NSD1: variants seen among roughly 807,000 people sequenced by gnomAD.
NSD1 encodes nuclear receptor binding SET domain protein 1.
A neutral mutation model predicts 242.7 loss-of-function variants in NSD1; 26 were observed. That is an observed-to-expected ratio of 0.11 (90% CI 0.08 to 0.15). The LOEUF (loss-of-function observed/expected upper bound fraction) is 0.15. NSD1 is among the 10% of genes least tolerant of loss of function. The pLI, the probability that NSD1 is intolerant of heterozygous loss-of-function variation, is 1.00. For missense variants in NSD1, 2,495 were observed against 3,272.8 expected, an observed-to-expected ratio of 0.76 and a Z score of 5.80; for synonymous variants, 1,106 against 1,178.1, an observed-to-expected ratio of 0.94 and a Z score of 1.25.
At chr5:177,214,250 T>G (rs573446332) in intron 5 of NSD1, among the ~76,000 whole-genome samples, 1 of 152,240 alleles carries the variant, frequency 6.6e-6, no homozygotes, top group South Asian at 2.1e-4. Context: ...GAGAATCACT[T>G]GAACCCGGGA....
At chr5:177,176,816 G>A (rs185298934) in intron 2 of NSD1, among the ~76,000 whole-genome samples, 1 of 152,252 alleles carries the variant, frequency 6.6e-6, no homozygotes, top group African/African-American at 2.4e-5. Flanking sequence ...TAGCTCGAGG[G>A]TGTAGTCCAG....
intron 2 of NSD1, among the ~76,000 whole-genome samples, chr5:177,139,719 C>A (rs1410097834): frequency 6.6e-6 from 1 of 152,128 alleles, no homozygotes; most frequent in Non-Finnish European, 1.5e-5. Flanking sequence ...AGTTGGGAAG[C>A]CGAGACAAAA....
intron 8 of NSD1, among the ~76,000 whole-genome samples, chr5:177,242,897 T>A (rs1162618817): frequency 6.6e-6 from 1 of 152,166 alleles, no homozygotes; most frequent in Non-Finnish European, 1.5e-5. Context: ...ATGAAGAATA[T>A]CATCATTCTT....
intron 2 of NSD1, among the ~76,000 whole-genome samples, chr5:177,161,241 G>A (rs1443026706): frequency 6.6e-6 from 1 of 152,104 alleles, no homozygotes; most frequent in Non-Finnish European, 1.5e-5. Flanking sequence ...AATTAGCTGG[G>A]TGGAGTGGCA....
intron 2 of NSD1, among the ~76,000 whole-genome samples, chr5:177,158,998 T>TTA (rs10564918): frequency 0.054 from 6,584 of 122,486 alleles, 227 homozygotes; most frequent in African/African-American, 0.1. Flanking sequence ...ATGAATGATT[T>TTA]TATATATATA....
At chr5:177,209,591 C>G in intron 4 of NSD1, 45 bp from the exon 5 acceptor site, 1 of 1,415,036 alleles carries the variant, frequency 7.1e-7, no homozygotes. Flanking sequence ...TTCCCCCACC[C>G]ATTTCTTTGA....
rs766609371 is a variant in NSD1, at chr5:177,295,481, C to T, written c.*22C>T. 2 of 1,612,060 alleles carry T rather than the reference C, an allele frequency of 1.2e-6. No individual in the cohort carries two copies. The highest frequency in any genetic ancestry group is 1.1e-5 in the South Asian group (1 of 90,968). On this transcript the variant is annotated 3_prime_UTR_variant, in exon 23 of 23. Transcript: ENST00000439151. This position sits in a 1 kb window ranked among gnomAD's most constrained non-coding sequence, Gnocchi z 4.3. The stretch of plus-strand genomic sequence containing the variant: ...GTAGTACCAATCAATGTCACATGAA[C>T]AAACAAGCTGCCCCCAGGGTACCAT...
At chr5:177,279,807 C>T (rs893988045) in intron 17 of NSD1, among the ~76,000 whole-genome samples, 19 of 150,004 alleles carry the variant, frequency 1.3e-4, no homozygotes, top group African/African-American at 4.4e-4. Context: ...TGAGTAGAGA[C>T]GGGGTTTCAC....
chr5:177,158,938 G>GTATATATACACACATA (rs1562131756), intron 2 of NSD1, among the ~76,000 whole-genome samples: 2 of 141,764 alleles, frequency 1.4e-5, no homozygotes, highest in Non-Finnish European at 3.0e-5. Flanking sequence ...GTGTGTGTGT[G>GTATATATACACACATA]TATATATACA....
At chr5:177,260,711 G>C (rs1756933304) in intron 14 of NSD1, among the ~76,000 whole-genome samples, 1 of 151,496 alleles carries the variant, frequency 6.6e-6, no homozygotes, top group African/African-American at 2.4e-5. Flanking sequence ...TTCTTATTTT[G>C]AATAATGACT....
At chr5:177,167,754 T>C (rs1351794493) in intron 2 of NSD1, among the ~76,000 whole-genome samples, 12 of 152,182 alleles carry the variant, frequency 7.9e-5, no homozygotes, top group Non-Finnish European at 1.6e-4. Context: ...ATGGTGGGCT[T>C]ATCTGGACGT....
chr5:177,282,610 G>A (rs1367040105), intron 19 of NSD1, 29 bp downstream of exon 19: 2 of 1,432,222 alleles, frequency 1.4e-6, no homozygotes, highest in East Asian at 2.3e-5. Context: ...TGTTTTCACT[G>A]TTACAAGATT....
At chr5:177,184,051 G>T (rs975543934) in intron 2 of NSD1, among the ~76,000 whole-genome samples, 1 of 152,106 alleles carries the variant, frequency 6.6e-6, no homozygotes, top group Admixed American at 6.6e-5. Flanking sequence ...GAACACTTAG[G>T]TTATTTCCAA....
chr5:177,188,783 C>G (rs1397639623), intron 2 of NSD1, among the ~76,000 whole-genome samples: 1 of 151,844 alleles, frequency 6.6e-6, no homozygotes, highest in African/African-American at 2.4e-5. Context: ...CCTGAGCCAC[C>G]ACGGCTCCTA....
intron 22 of NSD1, among the ~76,000 whole-genome samples, chr5:177,293,499 T>G (rs900130940): frequency 6.6e-6 from 1 of 151,922 alleles, no homozygotes; most frequent in African/African-American, 2.4e-5. Context: ...ATCTTAAGTT[T>G]CATGTAAAAG....
intron 20 of NSD1, among the ~76,000 whole-genome samples, chr5:177,285,258 G>A (rs1759212822): frequency 1.3e-5 from 2 of 152,062 alleles, no homozygotes; most frequent in Admixed American, 1.3e-4. Context: ...CAAATTGCAT[G>A]CTTTTTTAAG....
In NSD1 at chr5:177,239,787, A is replaced by G. The variant is rs771225244; in HGVS notation, c.4224A>G (p.Pro1408=). ...ATGAAAGTAAACGTCAAAGAAAACC[A>G]ACTAAGAAACTTCTTGAATCCAATG... The part of the protein sequence containing the change: ...GNYESKRQRK[P]TKKLLESNDL... Residue 1408 remains proline, a synonymous_variant, in exon 8 of 23, where the codon CCA becomes CCG. Coordinates refer to ENST00000439151, the MANE Select transcript of NSD1 (RefSeq NM_022455.5). 7 of 1,612,310 alleles carry G rather than the reference A, an allele frequency of 4.3e-6. No homozygotes were observed. Among genetic ancestry groups the G allele is most frequent in the Non-Finnish European group, 5.9e-6 (7 of 1,178,594 alleles).
In NSD1 at chr5:177,292,102, C is replaced by G; in HGVS notation, c.6407C>G (p.Pro2136Arg). ...DAGQLVSCKKPGCPKVYHADC... is the reference protein window; with the variant it reads ...DAGQLVSCKKRGCPKVYHADC... ...GGCCAGCTCGTCTCCTGCAAGAAAC[C>G]AGGCTGCCCAAAAGTTTACCACGCA... Residue 2136 changes from proline (P) to arginine (R), a missense_variant, in exon 22 of 23, where the codon CCA (proline) becomes CGA (arginine). Physicochemically the swap from Pro to Arg is moderately radical, Grantham distance 103. Coordinates refer to ENST00000439151, the MANE Select transcript of NSD1 (RefSeq NM_022455.5). 1 of 1,614,144 alleles carries G rather than the reference C, an allele frequency of 6.2e-7. No homozygotes were observed. Among genetic ancestry groups the G allele is most frequent in the Non-Finnish European group, 8.5e-7 (1 of 1,180,032 alleles).
chr5:177,163,536 C>T (rs571219239), intron 2 of NSD1, among the ~76,000 whole-genome samples: 18 of 152,196 alleles, frequency 1.2e-4, no homozygotes, highest in African/African-American at 4.1e-4. Context: ...ACTTGAGTCC[C>T]GTGCTTGCCT....
Sources: gnomAD v4.1 joint callset for allele counts (sites outside exome capture counted in the v4.1 genomes callset) on GRCh38, gnomAD v4.1.1 for gene constraint, Gnocchi (gnomAD v3.1) non-coding constraint, MANE v1.5 for transcripts, NCBI Gene and HGNC (gene_info 2026-07-23, HGNC 2026-07-21) for gene names.